The following MYOG variants were observed in gnomAD, a reference collection of about 807,000 sequenced individuals.
MYOG encodes the protein class C basic helix-loop-helix protein 3.
In MYOG, 6 loss-of-function variants were observed where a neutral mutation model predicts 17.7. That is an observed-to-expected ratio of 0.34 (90% CI 0.19 to 0.67). MYOG has a LOEUF of 0.67. Ranked by LOEUF, MYOG falls within the 30% of genes least tolerant of loss-of-function variation. The pLI is 0.69. For missense variants in MYOG, 272 were observed against 302.0 expected (o/e 0.90, Z 0.74); for synonymous variants, 125 against 130.2 (o/e 0.96, Z 0.27).
In MYOG at chr1:203,085,599, G is replaced by T. The variant is rs138462164; in HGVS notation, c.363C>A (p.Ile121=). The T allele has an allele frequency of 7.7e-3, 12,378 of 1,614,218 alleles. 54 individuals carry two copies. Among genetic ancestry groups the T allele is most frequent in the Non-Finnish European group, 8.9e-3 (10,533 of 1,180,024 alleles). The change falls in exon 1 of 3, where the codon ATC becomes ATA. Residue 121 remains isoleucine (I), a synonymous_variant. Coordinates refer to ENST00000241651, the MANE Select transcript of MYOG (RefSeq NM_002479.6). ...CGATGTACTGGATGGCACTGCGCAGGATCTCCACCTTGGGCAGCCGCTGGT... is the reference window on the plus strand; with the variant it reads ...CGATGTACTGGATGGCACTGCGCAGTATCTCCACCTTGGGCAGCCGCTGGT... ...NPNQRLPKVE[I]LRSAIQYIER...
At position 203,084,531 on chromosome 1, in the gene MYOG, C is replaced by T. The variant is rs910828980; in HGVS notation, c.553+116G>A. 3.2e-6 allele frequency: 3 copies of T among 945,914 alleles called. No individual in the cohort carries two copies. In the African/African-American group the frequency reaches 4.9e-5, roughly 15 times the overall value. 58.6% of individuals were successfully genotyped at this position (945,914 alleles called of 1,614,324 possible). A position where few individuals can be genotyped will look rare whatever the true frequency, so the allele number is the denominator to read the frequency against. ...CCTTTGGGCCTTGGAGTCAGCAGGT[C>T]CCTAGAGAGACCCAAGGGAAGAGGA... On this transcript the variant is annotated intron_variant, in intron 2 of 2. Coordinates refer to ENST00000241651, the MANE Select transcript of MYOG (RefSeq NM_002479.6).
At chr1:203,084,082 G>A (rs1331130573) in intron 2 of MYOG, 51 bp from the exon 3 acceptor site, 1 of 1,572,334 alleles carries the variant, frequency 6.4e-7, no homozygotes, top group Non-Finnish European at 8.6e-7. Flanking sequence ...GGGGGTTCTT[G>A]AGGCCCAGAA....
Position 203,083,646 on chromosome 1 carries a change from G to A in MYOG, c.*264C>T, listed in dbSNP as rs925772191. 1 of 578,196 alleles carries A rather than the reference G, an allele frequency of 1.7e-6. No individual in the cohort carries two copies. Among genetic ancestry groups the A allele is most frequent in the African/African-American group, 1.9e-5 (1 of 53,758 alleles). 35.8% of individuals were successfully genotyped at this position (578,196 alleles called of 1,614,324 possible). A position where few individuals can be genotyped will look rare whatever the true frequency, so the allele number is the denominator to read the frequency against. On this transcript the variant is annotated 3_prime_UTR_variant, in exon 3 of 3. Transcript: ENST00000241651. ...CCCCCTGAGCTGGGGCATACACGAG[G>A]GGGCGCTCTGGTCCCCTGCTTTACC...
Position 203,085,564 on chromosome 1 carries a change from T to A in MYOG, c.398A>T (p.Gln133Leu). ...RSAIQYIERL[Q>L]ALLSSLNQEE... ...CTGGTTGAGGGAGCTGAGCAGGGCC[T>A]GGAGGCGCTCGATGTACTGGATGGC... Residue 133 changes from glutamine (Q) to leucine (L), a missense_variant, in exon 1 of 3, where the codon CAG becomes CTG. Coordinates refer to ENST00000241651, the MANE Select transcript of MYOG (RefSeq NM_002479.6). 6.2e-7 allele frequency: 1 copy of A among 1,614,148 alleles called. No homozygotes were observed. The highest frequency in any genetic ancestry group is 8.5e-7 in the Non-Finnish European group (1 of 1,179,992).
rs1363853895 is a variant in MYOG, at chr1:203,083,404, T to C, written c.*506A>G. The C allele has an allele frequency of 1.5e-5, 5 of 325,540 alleles. No individual in the cohort carries two copies. In the Admixed American group the frequency reaches 1.8e-4, roughly 12 times the overall value. 20.2% of individuals were successfully genotyped at this position (325,540 alleles called of 1,614,324 possible). On this transcript the variant is annotated 3_prime_UTR_variant, in exon 3 of 3. Transcript: ENST00000241651. ...AGGTTCCCAATATTCACTGCAAAAG[T>C]TTGGCCCCCCAGGGACTTGGGAACA...
chr1:203,084,546 A>C (rs1653573981), intron 2 of MYOG, 101 bp downstream of exon 2: 1 of 1,102,540 alleles, frequency 9.1e-7, no homozygotes, highest in African/African-American at 1.6e-5. Flanking sequence ...GAGAGACCCA[A>C]GGGAAGAGGA....
Position 203,083,183 on chromosome 1 carries a change from CAAAAAAAAAAAAAAA to C in MYOG, c.*712_*726del, listed in dbSNP as rs71142588. The C allele has an allele frequency of 2.0e-5, 2 of 99,374 alleles. No homozygotes were observed. Among genetic ancestry groups the C allele is most frequent in the South Asian group, 3.4e-4 (1 of 2,964 alleles). 6.2% of individuals were successfully genotyped at this position (99,374 alleles called of 1,614,324 possible). On this transcript the variant is annotated 3_prime_UTR_variant, in exon 3 of 3. Transcript: ENST00000241651. ...AAAAAAGGAAATCCAAATAAGTTAG[CAAAAAAAAAAAAAAA>C]AAAAAAAAATACAAAACAATGGCAA... is the stretch of plus-strand genomic sequence containing the variant.
rs1244292741 is a variant in MYOG, at chr1:203,084,631, G to A, written c.553+16C>T. 1 of 1,603,534 alleles carries A rather than the reference G, an allele frequency of 6.2e-7. No individual in the cohort carries two copies. The highest frequency in any genetic ancestry group is 8.5e-7 in the Non-Finnish European group (1 of 1,173,722). On this transcript the variant is annotated intron_variant, in intron 2 of 2. Transcript: ENST00000241651. ...TGAGGGATTGGAGCCAAGGTTACCA[G>A]TCAGGCCTTACTTACCCCCTGGGTT...
chr1:203,084,065 G>T, intron 2 of MYOG, 34 bp from the exon 3 acceptor site: 1 of 1,583,428 alleles, frequency 6.3e-7, no homozygotes, highest in South Asian at 1.2e-5. Flanking sequence ...GTACCTGGGT[G>T]AGCAGTGGGG....
rs1653532061 is a variant in MYOG, at chr1:203,083,233, ATGCTTTG to A, written c.*670_*676del. ...TACAAAACAATGGCAAAACCACACAATGCTTTGTTAACAAAAGAAATCACCCCCAAGA... is the reference window on the plus strand; with the variant it reads ...TACAAAACAATGGCAAAACCACACAATTAACAAAAGAAATCACCCCCAAGA... On this transcript the variant is annotated 3_prime_UTR_variant, in exon 3 of 3. Transcript: ENST00000241651. 6.5e-6 allele frequency: 1 copy of A among 154,046 alleles called. No individual in the cohort carries two copies. Among genetic ancestry groups the A allele is most frequent in the Non-Finnish European group, 1.4e-5 (1 of 70,352 alleles). The allele number at this position is 154,046 out of a possible 1,614,324, so 9.5% of individuals were successfully genotyped here.
In MYOG at chr1:203,085,568, G is replaced by T. The variant is rs1265179417; in HGVS notation, c.394C>A (p.Leu132Ile). Residue 132 changes from leucine (L) to isoleucine (I), a missense_variant, in exon 1 of 3, where the codon CTC becomes ATC. Coordinates refer to ENST00000241651, the MANE Select transcript of MYOG (RefSeq NM_002479.6). Reference protein sequence around the residue: ...LRSAIQYIERLQALLSSLNQE... With the variant: ...LRSAIQYIERIQALLSSLNQE... ...TTGAGGGAGCTGAGCAGGGCCTGGA[G>T]GCGCTCGATGTACTGGATGGCACTG... The T allele has an allele frequency of 1.2e-6, 2 of 1,614,178 alleles. No individual in the cohort carries two copies. The highest frequency in any genetic ancestry group is 1.7e-6 in the Non-Finnish European group (2 of 1,179,994).
chr1:203,084,190 C>CTGTGTGTGTG lies in MYOG; in HGVS notation c.554-160_554-159insCACACACACA, dbSNP rs1179050983. On this transcript the variant is annotated intron_variant, in intron 2 of 2. Transcript: ENST00000241651. ...CCTAGTCCCTGCCTTTCCCCATGCT[C>CTGTGTGTGTG]TGTGAGTGTGTGTGTGTGTGTGTGT... Among the ~76,000 whole-genome samples, 74 of 73,934 alleles carry CTGTGTGTGTG rather than the reference C, an allele frequency of 1.0e-3. 1 individual carries two copies. Among genetic ancestry groups the CTGTGTGTGTG allele is most frequent in the African/African-American group, 3.4e-3 (69 of 20,204 alleles). 48.5% of individuals were successfully genotyped at this position (73,934 alleles called of 152,430 possible).
Position 203,084,002 on chromosome 1 carries a change from C to T in MYOG, c.583G>A (p.Ala195Thr). 1 of 1,596,326 alleles carries T rather than the reference C, an allele frequency of 6.3e-7. No individual in the cohort carries two copies. The highest frequency in any genetic ancestry group is 8.5e-7 in the Non-Finnish European group (1 of 1,171,186). The part of the protein sequence containing the change: ...DHLLTADPTD[A>T]HNLHSLTSIV... ...GAGGTGAGGGAGTGCAGGTTGTGGG[C>T]ATCTGTAGGGTCAGCCGTGAGCAGA... The change falls in exon 3 of 3, where the codon GCC becomes ACC. Residue 195 changes from alanine to threonine, a missense_variant. Physicochemically the swap from Ala to Thr is moderately conservative, Grantham distance 58. Transcript: ENST00000241651.
Position 203,083,974 on chromosome 1 carries a change from A to T in MYOG, c.611T>A (p.Ile204Asn). 1 of 1,593,614 alleles carries T rather than the reference A, an allele frequency of 6.3e-7. No individual in the cohort carries two copies. The highest frequency in any genetic ancestry group is 1.1e-5 in the South Asian group (1 of 87,412). ...ATCTTCCACTGTGATGCTGTCCACG[A>T]TGGAGGTGAGGGAGTGCAGGTTGTG... Reference protein sequence around the residue: ...DAHNLHSLTSIVDSITVEDVS... With the variant: ...DAHNLHSLTSNVDSITVEDVS... Residue 204 changes from isoleucine (I) to asparagine (N), a missense_variant, in exon 3 of 3, where the codon ATC (isoleucine) becomes AAC (asparagine). By Grantham distance (149) the Ile-to-Asn change is moderately radical. Transcript: ENST00000241651.
At position 203,083,684 on chromosome 1, in the gene MYOG, G is replaced by A. The variant is rs1390017009; in HGVS notation, c.*226C>T. On this transcript the variant is annotated 3_prime_UTR_variant, in exon 3 of 3. Transcript: ENST00000241651. The stretch of plus-strand genomic sequence containing the variant: ...CCCCTGCTTTACCTCCCTGGAAAGG[G>A]GATGCCCTCTCCTCTAAGGAGGCAG... 1 of 642,886 alleles carries A rather than the reference G, an allele frequency of 1.6e-6. No individual in the cohort carries two copies. Among genetic ancestry groups the A allele is most frequent in the Non-Finnish European group, 2.6e-6 (1 of 380,264 alleles). 39.8% of individuals were successfully genotyped at this position (642,886 alleles called of 1,614,324 possible).
rs956238058 is a variant in MYOG at position 203,085,572 on chromosome 1, C to T, written c.390G>A (p.Glu130=). 2 of 1,614,170 alleles carry T rather than the reference C, an allele frequency of 1.2e-6. No homozygotes were observed. The highest frequency in any genetic ancestry group is 1.7e-6 in the Non-Finnish European group (2 of 1,179,990). ...GGGAGCTGAGCAGGGCCTGGAGGCGCTCGATGTACTGGATGGCACTGCGCA... is the reference window on the plus strand; with the variant it reads ...GGGAGCTGAGCAGGGCCTGGAGGCGTTCGATGTACTGGATGGCACTGCGCA... ...EILRSAIQYI[E]RLQALLSSLN... is the part of the protein sequence containing the mutation. Residue 130 remains glutamate, a synonymous_variant, in exon 1 of 3, where the codon GAG becomes GAA. Transcript: ENST00000241651.
chr1:203,085,983 C>G lies in MYOG; in HGVS notation c.-22G>C. On this transcript the variant is annotated 5_prime_UTR_variant, in exon 1 of 3. Coordinates refer to ENST00000241651, the MANE Select transcript of MYOG (RefSeq NM_002479.6). ...CCATGGGGTCGGAAAAGGCTTGTTC[C>G]TGCCACCAGCCCCCAAGCTCCAGCA... 1 of 1,499,702 alleles carries G rather than the reference C, an allele frequency of 6.7e-7. No individual in the cohort carries two copies. Among genetic ancestry groups the G allele is most frequent in the Non-Finnish European group, 9.0e-7 (1 of 1,114,236 alleles). The allele number at this position is 1,499,702 out of a possible 1,614,324, so 92.9% of individuals were successfully genotyped here.
rs549993760 is a variant in MYOG, at chr1:203,083,850, G to T, written c.*60C>A. 1.9e-6 allele frequency: 3 copies of T among 1,561,360 alleles called. No individual in the cohort carries two copies. The East Asian group carries it at 7.0e-5, about 37-fold the overall frequency. On this transcript the variant is annotated 3_prime_UTR_variant, in exon 3 of 3. Transcript: ENST00000241651. ...GGCTTAGGAGGCCCCTGCTACAGAA[G>T]TAGTGGCATCTGTGGCCAGCTTGGG...
intron 2 of MYOG, 62 bp from the exon 3 acceptor site, chr1:203,084,093 TAG>T: frequency 6.4e-7 from 1 of 1,561,570 alleles, no homozygotes; most frequent in East Asian, 2.3e-5. Flanking sequence ...AGGCCCAGAA[TAG>T]AGGATGGGAC....
Sources: gnomAD v4.1 joint callset for allele counts (sites outside exome capture counted in the v4.1 genomes callset) on GRCh38, gnomAD v4.1.1 for gene constraint, MANE v1.5 for transcripts, NCBI Gene and HGNC (gene_info 2026-07-23, HGNC 2026-07-21) for gene names.